Variants in RIIAD1 observed in about 807,000 individuals in gnomAD.
RIIAD1 encodes the protein RIIa domain-containing protein 1.
A neutral mutation model predicts 13.3 loss-of-function variants in RIIAD1; 15 were observed. The ratio of observed to expected loss-of-function variants is 1.13; its 90% CI spans 0.76 to 1.74. The LOEUF (loss-of-function observed/expected upper bound fraction) is 1.74. Among genes scored for constraint, RIIAD1 ranks in the 40% most tolerant of loss-of-function variants. The probability of loss-of-function intolerance (pLI) is 0.00; values close to 1 mark genes in which losing one functional copy is unlikely to be tolerated. For missense variants in RIIAD1, 121 were observed against 112.2 expected, an observed-to-expected ratio of 1.08 and a Z score of -0.35; for synonymous variants, 50 against 43.3, an observed-to-expected ratio of 1.16 and a Z score of -0.61.
rs763905152 is a variant in RIIAD1, at chr1:151,727,671, A to G, written c.208+50A>G. 10 of 1,291,660 alleles carry G rather than the reference A, an allele frequency of 7.7e-6. No individual in the cohort carries two copies. In the South Asian group the frequency reaches 1.1e-4, roughly 15 times the overall value. The allele number at this position is 1,291,660 out of a possible 1,614,324, so 80.0% of individuals were successfully genotyped here. A position where few individuals can be genotyped will look rare whatever the true frequency, so the allele number is the denominator to read the frequency against. On this transcript the variant is annotated intron_variant, in intron 3 of 4. Transcript: ENST00000479191. ...GGTATCTGACAAAGCCAGCGCAGGG[A>G]GCATGATTGTGAGTTTAGACTTGAA... is the stretch of plus-strand genomic sequence containing the variant.
chr1:151,717,676 A>G (rs1673587279), upstream of RIIAD1, among the ~76,000 whole-genome samples: 1 of 152,208 alleles, frequency 6.6e-6, no homozygotes. Flanking sequence ...AGTGGGAAGA[A>G]CCACAGCTGT....
At chr1:151,716,523 G>C (rs567225446), upstream of RIIAD1, 87 of 326,522 alleles carry the variant, frequency 2.7e-4, no homozygotes, top group Admixed American at 2.9e-3. Context: ...TGAATCTCTC[G>C]TTGGCTTCCC....
Position 151,715,473 on chromosome 1 carries a change from C to G in RIIAD1, c.21+944C>G. On this transcript the variant is annotated intron_variant, in intron 4 of 8. Transcript: ENST00000326413. The stretch of plus-strand genomic sequence containing the variant: ...ACACCTGACCCTGTGTCCTGACCCC[C>G]ATCCCAATATTATCTGAGGCTGCTC... 4 of 552,278 alleles carry G rather than the reference C, an allele frequency of 7.2e-6. No individual in the cohort carries two copies. In the Admixed American group the frequency reaches 9.5e-5, roughly 13 times the overall value. 34.2% of individuals were successfully genotyped at this position (552,278 alleles called of 1,614,324 possible).
intron 2 of RIIAD1, among the ~76,000 whole-genome samples, chr1:151,724,781 C>T (rs1234370738): frequency 6.6e-6 from 1 of 151,088 alleles, no homozygotes; most frequent in Non-Finnish European, 1.5e-5. Context: ...GATAGATAGC[C>T]AGGTATGAAA....
chr1:151,719,325 C>T (rs1024619255), upstream of RIIAD1, among the ~76,000 whole-genome samples: 3 of 152,132 alleles, frequency 2.0e-5, no homozygotes, highest in African/African-American at 7.2e-5. Flanking sequence ...AAGTTTCTCT[C>T]TAGGAGAGAG....
upstream of RIIAD1, among the ~76,000 whole-genome samples, chr1:151,718,532 C>T (rs1341744137): frequency 1.3e-5 from 2 of 152,198 alleles, no homozygotes; most frequent in Non-Finnish European, 1.5e-5. Context: ...TTTCTTTTTA[C>T]TGCTTGATTC....
At chr1:151,726,499 G>A (rs1673831355) in intron 2 of RIIAD1, among the ~76,000 whole-genome samples, 1 of 152,162 alleles carries the variant, frequency 6.6e-6, no homozygotes, top group Non-Finnish European at 1.5e-5. Context: ...GGCTTCTTGG[G>A]GAGTTGGGAG....
chr1:151,722,913 G>A (rs1673764001), intron 2 of RIIAD1, among the ~76,000 whole-genome samples: 1 of 152,206 alleles, frequency 6.6e-6, no homozygotes, highest in Non-Finnish European at 1.5e-5. Flanking sequence ...ACAAAAGACA[G>A]GTGATTGTCA....
At chr1:151,716,584 C>G (rs907309052), upstream of RIIAD1, 6 of 348,398 alleles carry the variant, frequency 1.7e-5, no homozygotes, top group African/African-American at 1.3e-4. Flanking sequence ...CCGAAGATCC[C>G]TGATGCCAGA....
intron 2 of RIIAD1, among the ~76,000 whole-genome samples, chr1:151,726,829 C>T (rs959345314): frequency 5.9e-5 from 9 of 152,188 alleles, no homozygotes; most frequent in Non-Finnish European, 1.3e-4. Context: ...TAACCATCTG[C>T]GGTCCATCTT....
chr1:151,714,298 C>T, intron 3 of RIIAD1: 2 of 580,502 alleles, frequency 3.4e-6, no homozygotes, highest in South Asian at 4.4e-5. Context: ...CCACACCTTC[C>T]AACCAGCGAG....
intron 2 of RIIAD1, 63 bp downstream of exon 2, chr1:151,722,225 G>A: frequency 1.1e-6 from 1 of 942,476 alleles, no homozygotes; most frequent in Non-Finnish European, 1.7e-6. Flanking sequence ...ATCTCTAGAG[G>A]TTTCCTTCAG....
intron 4 of RIIAD1, chr1:151,716,349 G>A (rs758075401): frequency 1.3e-4 from 41 of 313,410 alleles, no homozygotes; most frequent in Non-Finnish European, 2.1e-4. Flanking sequence ...GGTGGTAGCC[G>A]GGGGTGCTAG....
upstream of RIIAD1, among the ~76,000 whole-genome samples, chr1:151,720,047 A>G (rs982277255): frequency 2.6e-5 from 4 of 152,272 alleles, no homozygotes; most frequent in Admixed American, 6.5e-5. Context: ...TTTTAATAAT[A>G]AATGTTATTT....
intron 2 of RIIAD1, among the ~76,000 whole-genome samples, chr1:151,725,437 C>T (rs571727545): frequency 6.6e-6 from 1 of 152,204 alleles, no homozygotes; most frequent in Admixed American, 6.5e-5. Context: ...TTCAGTAGTT[C>T]CACAACGTTG....
In RIIAD1 at chr1:151,722,120, G is replaced by T; in HGVS notation, c.119G>T (p.Arg40Met). The change falls in exon 2 of 5, where the codon AGG becomes ATG. Residue 40 changes from arginine to methionine, a missense_variant. By Grantham distance (91) the Arg-to-Met change is moderately conservative. Coordinates refer to ENST00000479191, the MANE Select transcript of RIIAD1 (RefSeq NM_001144956.3). ...QTRIANEKYL[R>M]THKEVEWLIS... Reference sequence around the variant, plus strand: ...CGGATTGCTAACGAAAAGTACCTAAGGACCCACAAAGAAGTAGAGTGGCTC... The same window carrying T: ...CGGATTGCTAACGAAAAGTACCTAATGACCCACAAAGAAGTAGAGTGGCTC... 1 of 1,551,404 alleles carries T rather than the reference G, an allele frequency of 6.4e-7. No individual in the cohort carries two copies. The highest frequency in any genetic ancestry group is 1.2e-5 in the South Asian group (1 of 84,050).
upstream of RIIAD1, chr1:151,716,893 C>T (rs1390384069): frequency 4.7e-6 from 2 of 422,758 alleles, no homozygotes; most frequent in Non-Finnish European, 1.0e-5. Flanking sequence ...AATTCTCTAC[C>T]CTGGAGAGGG....
At chr1:151,713,220 C>T (rs561868576) in intron 2 of RIIAD1, among the ~76,000 whole-genome samples, 17 of 152,278 alleles carry the variant, frequency 1.1e-4, no homozygotes, top group East Asian at 7.7e-4. Flanking sequence ...ATTAACCAGG[C>T]GCCCTTCTTC....
chr1:151,727,306 A>G (rs530139336), intron 2 of RIIAD1, among the ~76,000 whole-genome samples: 3 of 152,326 alleles, frequency 2.0e-5, no homozygotes, highest in Non-Finnish European at 2.9e-5. Context: ...TGACGGAATG[A>G]CAAGCCCCAC....
Sources: gnomAD v4.1 joint callset for allele counts (sites outside exome capture counted in the v4.1 genomes callset) on GRCh38, gnomAD v4.1.1 for gene constraint, MANE v1.5 for transcripts, NCBI Gene and HGNC (gene_info 2026-07-23, HGNC 2026-07-21) for gene names.